The following LY86 variants were observed in gnomAD, a reference collection of about 807,000 sequenced individuals.
LY86 encodes MD-1, RP105-associated.
A neutral mutation model predicts 17.3 loss-of-function variants in LY86; 20 were observed. The ratio of observed to expected loss-of-function variants is 1.15; its 90% CI spans 0.81 to 1.68. The LOEUF (loss-of-function observed/expected upper bound fraction) is 1.68. Ranked by LOEUF, LY86 falls within the 40% of genes most tolerant of loss-of-function variation. The pLI, the probability that LY86 is intolerant of heterozygous loss-of-function variation, is 0.00. For missense variants in LY86, 200 were observed against 191.9 expected (o/e 1.04, Z -0.25); for synonymous variants, 74 against 70.6 (o/e 1.05, Z -0.24).
intron 1 of LY86, among the ~76,000 whole-genome samples, chr6:6,611,813 A>G (rs1761345067): frequency 6.6e-6 from 1 of 152,186 alleles, no homozygotes; most frequent in African/African-American, 2.4e-5. Flanking sequence ...TAACAATCGG[A>G]CCGATAAAAT....
At chr6:6,620,353 C>T (rs1462602651) in intron 1 of LY86, among the ~76,000 whole-genome samples, 1 of 152,122 alleles carries the variant, frequency 6.6e-6, no homozygotes, top group Non-Finnish European at 1.5e-5. Context: ...TAAAGAAAAA[C>T]CTCAAGTAGA....
chr6:6,605,715 G>A (rs1561779547), intron 1 of LY86, among the ~76,000 whole-genome samples: 3 of 151,948 alleles, frequency 2.0e-5, no homozygotes, highest in Non-Finnish European at 2.9e-5. Flanking sequence ...GCGGAACCTC[G>A]CGGTGAGTGT....
At chr6:6,612,404 C>G (rs962645623) in intron 1 of LY86, among the ~76,000 whole-genome samples, 1 of 152,210 alleles carries the variant, frequency 6.6e-6, no homozygotes, top group East Asian at 1.9e-4. Flanking sequence ...CAGTGGGTAC[C>G]TAGTCTCACT....
At chr6:6,652,595 A>G (rs1251647482) in intron 4 of LY86, among the ~76,000 whole-genome samples, 2 of 152,204 alleles carry the variant, frequency 1.3e-5, no homozygotes, top group Non-Finnish European at 1.5e-5. Flanking sequence ...CTCCCGAAGC[A>G]TGTGGACAAC....
chr6:6,604,898 G>C (rs972506708), intron 1 of LY86, among the ~76,000 whole-genome samples: 1 of 150,718 alleles, frequency 6.6e-6, no homozygotes, highest in Admixed American at 6.6e-5. Context: ...TAGACTGACA[G>C]CTGGCTCCAG....
intron 1 of LY86, among the ~76,000 whole-genome samples, chr6:6,611,844 T>C (rs1392579636): frequency 4.6e-5 from 7 of 152,200 alleles, no homozygotes; most frequent in African/African-American, 1.4e-4. Flanking sequence ...TTGTCTCTCC[T>C]GTCAATCTAG....
chr6:6,625,113 A>G (rs1276065850), intron 2 of LY86, 101 bp downstream of exon 2: 2 of 567,744 alleles, frequency 3.5e-6, no homozygotes, highest in Admixed American at 3.7e-5. Flanking sequence ...TGGCTAAACT[A>G]CTGTTCCCTC....
intron 1 of LY86, among the ~76,000 whole-genome samples, chr6:6,602,642 C>T (rs1760945732): frequency 6.6e-6 from 1 of 152,096 alleles, no homozygotes. Context: ...CGCAGGCCAC[C>T]ACTGTGGGTA....
At chr6:6,591,748 C>A (rs1330562538) in intron 1 of LY86, among the ~76,000 whole-genome samples, 2 of 152,184 alleles carry the variant, frequency 1.3e-5, no homozygotes, top group Non-Finnish European at 2.9e-5. Context: ...ACAAATTGAT[C>A]CCCAGCCTGC....
At chr6:6,654,520 A>G (rs1197988797) in intron 4 of LY86, 24 bp from the exon 5 acceptor site, 7 of 1,559,544 alleles carry the variant, frequency 4.5e-6, no homozygotes, top group Non-Finnish European at 6.2e-6. Flanking sequence ...CACACGTCTA[A>G]TACTTGACCT....
intron 4 of LY86, among the ~76,000 whole-genome samples, chr6:6,652,771 C>A (rs114410713): frequency 1.3e-5 from 2 of 152,206 alleles, no homozygotes; most frequent in Non-Finnish European, 2.9e-5. Context: ...CAGCCTGGCA[C>A]GCTTGCCTAA....
Position 6,654,658 on chromosome 6 carries a change from T to C in LY86, c.*31T>C, listed in dbSNP as rs747978692. The C allele has an allele frequency of 1.9e-6, 3 of 1,586,830 alleles. No individual in the cohort carries two copies. The highest frequency in any genetic ancestry group is 2.6e-6 in the Non-Finnish European group (3 of 1,155,606). ...GCCTGTAGCAAAAATCACAGCCAGC[T>C]GCATCTCGTGGGACCTCCAAGCTCC... On this transcript the variant is annotated 3_prime_UTR_variant, in exon 5 of 5. Transcript: ENST00000230568.
At chr6:6,616,521 TA>T (rs1274250452) in intron 1 of LY86, among the ~76,000 whole-genome samples, 10 of 152,194 alleles carry the variant, frequency 6.6e-5, no homozygotes, top group Non-Finnish European at 1.5e-4. Context: ...CTCTCAAGAC[TA>T]ATGAGAGAAT....
intron 1 of LY86, among the ~76,000 whole-genome samples, chr6:6,618,934 G>A (rs557292075): frequency 3.0e-4 from 46 of 152,322 alleles, no homozygotes; most frequent in African/African-American, 1.1e-3. Flanking sequence ...AAGGTGGGGA[G>A]GGAGTATGAG....
chr6:6,604,463 T>TA (rs1761031545), intron 1 of LY86, among the ~76,000 whole-genome samples: 1 of 152,194 alleles, frequency 6.6e-6, no homozygotes, highest in Non-Finnish European at 1.5e-5. Context: ...ATGGTTATGT[T>TA]AAAACATTGT....
intron 3 of LY86, among the ~76,000 whole-genome samples, chr6:6,642,736 T>A (rs1762057459): frequency 6.6e-6 from 1 of 152,226 alleles, no homozygotes; most frequent in African/African-American, 2.4e-5. Flanking sequence ...TCAGAGGGGA[T>A]GGGATGAGAA....
intron 3 of LY86, among the ~76,000 whole-genome samples, chr6:6,646,316 G>C (rs1013927794): frequency 6.6e-6 from 1 of 152,128 alleles, no homozygotes; most frequent in East Asian, 1.9e-4. Flanking sequence ...TCTTAGCCAC[G>C]ATGCTTCGAA....
At chr6:6,606,741 G>A (rs1271296928) in intron 1 of LY86, among the ~76,000 whole-genome samples, 3 of 152,204 alleles carry the variant, frequency 2.0e-5, no homozygotes, top group East Asian at 3.9e-4. Flanking sequence ...CTGAGCCCAC[G>A]CCCACCCGGA....
At chr6:6,612,568 T>C (rs893485003) in intron 1 of LY86, among the ~76,000 whole-genome samples, 9 of 152,028 alleles carry the variant, frequency 5.9e-5, no homozygotes, top group East Asian at 1.9e-4. Flanking sequence ...TTGTCACTAG[T>C]GGAGCCTGCA....
Sources: allele counts gnomAD v4.1 joint callset (sites outside exome capture counted in the v4.1 genomes callset), GRCh38; gene constraint gnomAD v4.1.1; transcripts MANE v1.5; gene names NCBI Gene and HGNC (gene_info 2026-07-23, HGNC 2026-07-21).